Variants in ZFP1 observed in about 807,000 individuals in gnomAD.
ZFP1 encodes the protein zinc finger protein 1 homolog.
ZFP1 carries 32 observed loss-of-function variants against 38.5 expected under a neutral mutation model. That is an observed-to-expected ratio of 0.83 (90% CI 0.63 to 1.12). The LOEUF (loss-of-function observed/expected upper bound fraction) is 1.12, where lower values mean the gene tolerates loss of function less well. Among genes scored for constraint, ZFP1 ranks in the 50% most tolerant of loss-of-function variants. ZFP1 has a pLI of 0.00. For missense variants in ZFP1, 616 were observed against 480.8 expected (o/e 1.28, Z -2.63); for synonymous variants, 245 against 168.8 (o/e 1.45, Z -3.50).
the ZFP1 span, among the ~76,000 whole-genome samples, chr16:75,125,039 A>C: frequency 6.6e-6 from 1 of 151,970 alleles, no homozygotes; most frequent in African/African-American, 2.4e-5. Context: ...AGGTGGGTGG[A>C]TCAAAGGTCA....
At chr16:75,134,001 A>G in the ZFP1 span, among the ~76,000 whole-genome samples, 2 of 152,080 alleles carry the variant, frequency 1.3e-5, no homozygotes, top group African/African-American at 4.8e-5. Context: ...GTGAGCCAAG[A>G]TCGTGCCACT....
At chr16:75,126,161 A>G in the ZFP1 span, 4 of 151,470 alleles carry the variant, frequency 2.6e-5, no homozygotes, top group East Asian at 5.8e-4. Flanking sequence ...TTATTTATTT[A>G]CTTTTGTGAG....
At chr16:75,149,399 T>G (rs1195515991) in intron 1 of ZFP1, 1 of 152,222 alleles carries the variant, frequency 6.6e-6, no homozygotes, top group African/African-American at 2.4e-5. Context: ...CACCCAAAAT[T>G]CTTCACTACT....
intron 3 of ZFP1, among the ~76,000 whole-genome samples, chr16:75,168,608 C>G (rs149532929): frequency 6.6e-6 from 1 of 151,930 alleles, no homozygotes; most frequent in Non-Finnish European, 1.5e-5. Context: ...TTGTGTATCT[C>G]TTAGCGAATG....
intron 2 of ZFP1, 39 bp downstream of exon 2, chr16:75,153,005 C>T (rs2037284904): frequency 6.2e-7 from 1 of 1,610,004 alleles, no homozygotes; most frequent in Non-Finnish European, 8.5e-7. Flanking sequence ...CTTTTCAGTG[C>T]ATTTAAGGAA....
intron 2 of ZFP1, among the ~76,000 whole-genome samples, chr16:75,153,992 G>T (rs1483219971): frequency 6.6e-6 from 1 of 152,114 alleles, no homozygotes; most frequent in Non-Finnish European, 1.5e-5. Flanking sequence ...TTAGAAATAT[G>T]CATTTAAGGT....
chr16:75,119,739 G>T, the ZFP1 span, among the ~76,000 whole-genome samples: 52 of 152,036 alleles, frequency 3.4e-4, no homozygotes, highest in East Asian at 9.1e-3. Flanking sequence ...TCTTTTTGTT[G>T]TTCTTTCAGT....
chr16:75,162,861 G>A (rs915896168), intron 2 of ZFP1, among the ~76,000 whole-genome samples: 46 of 151,634 alleles, frequency 3.0e-4, no homozygotes, highest in African/African-American at 1.1e-3. Flanking sequence ...TATGGCTGTG[G>A]TTTTAAAATT....
the ZFP1 span, among the ~76,000 whole-genome samples, chr16:75,139,368 CAAAAAAAAAA>C: frequency 4.7e-5 from 2 of 42,744 alleles, no homozygotes; most frequent in Admixed American, 4.2e-4. Context: ...GACTCCATCT[CAAAAAAAAAA>C]AAAAAAAAAA....
chr16:75,161,870 C>T (rs1432009919), intron 2 of ZFP1, among the ~76,000 whole-genome samples: 1 of 144,244 alleles, frequency 6.9e-6, no homozygotes, highest in East Asian at 2.1e-4. Context: ...CTGCACCCTC[C>T]ACCTCCCAGG....
At chr16:75,136,731 G>A in the ZFP1 span, among the ~76,000 whole-genome samples, 26 of 152,068 alleles carry the variant, frequency 1.7e-4, no homozygotes, top group African/African-American at 4.1e-4. Context: ...TTAGCCAGCC[G>A]TGATGGTGTT....
chr16:75,133,084 T>G, the ZFP1 span, among the ~76,000 whole-genome samples: 2 of 151,474 alleles, frequency 1.3e-5, no homozygotes, highest in African/African-American at 4.9e-5. Context: ...TTCAAGCGAG[T>G]CTCCTGCTTC....
intron 2 of ZFP1, among the ~76,000 whole-genome samples, chr16:75,165,084 C>A (rs1277984637): frequency 6.6e-6 from 1 of 152,160 alleles, no homozygotes; most frequent in African/African-American, 2.4e-5. Context: ...GGATTACAGG[C>A]ATGAACCATC....
chr16:75,148,690 G>T (rs2037007480), intron 1 of ZFP1, 47 bp downstream of exon 1: 1 of 152,270 alleles, frequency 6.6e-6, no homozygotes, highest in South Asian at 2.1e-4. Context: ...GGGGCCGAGG[G>T]GAAGGAGATG....
intron 2 of ZFP1, among the ~76,000 whole-genome samples, chr16:75,161,774 A>ATATATATATATATATATGTATTTTTTT (rs1555523101): frequency 1.3e-4 from 1 of 7,818 alleles, no homozygotes; most frequent in African/African-American, 3.9e-4. Context: ...ATATATATAT[A>ATATATATATATATATATGTATTTTTTT]TTTTTTTTTT....
upstream of ZFP1, among the ~76,000 whole-genome samples, chr16:75,147,643 T>C (rs956872999): frequency 2.0e-5 from 3 of 151,966 alleles, no homozygotes; most frequent in Non-Finnish European, 1.5e-5. Context: ...TGTTCTGGTG[T>C]GGGATATCAA....
the ZFP1 span, among the ~76,000 whole-genome samples, chr16:75,143,442 CA>C: frequency 1.3e-5 from 2 of 151,860 alleles, no homozygotes; most frequent in Non-Finnish European, 2.9e-5. Flanking sequence ...GATGGGGTTT[CA>C]ATATGTTGGC....
At chr16:75,142,418 G>A in the ZFP1 span, among the ~76,000 whole-genome samples, 10 of 151,640 alleles carry the variant, frequency 6.6e-5, no homozygotes, top group East Asian at 1.9e-4. Flanking sequence ...CTGCTGAAAC[G>A]TCCTGCTGTA....
chr16:75,127,471 C>T, the ZFP1 span, among the ~76,000 whole-genome samples: 1 of 152,154 alleles, frequency 6.6e-6, no homozygotes, highest in African/African-American at 2.4e-5. Flanking sequence ...CAGGCATGTA[C>T]CACCACGCCT....
Sources: allele counts gnomAD v4.1 joint callset (sites outside exome capture counted in the v4.1 genomes callset), GRCh38; gene constraint gnomAD v4.1.1; transcripts MANE v1.5; gene names NCBI Gene and HGNC (gene_info 2026-07-23, HGNC 2026-07-21).